ACER2: variants seen among roughly 807,000 people sequenced by gnomAD.
The protein encoded by ACER2 is alkaline ceramidase 2.
In ACER2, 26 loss-of-function variants were observed where a neutral mutation model predicts 34.7. The ratio of observed to expected loss-of-function variants is 0.75; its 90% CI spans 0.55 to 1.04. The LOEUF (loss-of-function observed/expected upper bound fraction) is 1.04. ACER2 is among the 50% of genes least tolerant of loss of function. The probability of loss-of-function intolerance (pLI) is 0.00; values close to 1 mark genes in which losing one functional copy is unlikely to be tolerated. For synonymous variants in ACER2, 138 were observed against 132.1 expected (o/e 1.04, Z -0.31); for missense variants, 352 against 340.8 (o/e 1.03, Z -0.26).
At chr9:19,445,962 G>A (rs956048716) in intron 4 of ACER2, among the ~76,000 whole-genome samples, 1 of 152,186 alleles carries the variant, frequency 6.6e-6, no homozygotes, top group Non-Finnish European at 1.5e-5. Context: ...TATGTGAGAA[G>A]GAGAAAGATT....
chr9:19,422,837 G>C (rs1425874031), intron 1 of ACER2, among the ~76,000 whole-genome samples: 3 of 152,042 alleles, frequency 2.0e-5, no homozygotes, highest in Non-Finnish European at 4.4e-5. Context: ...TTTGAGACCA[G>C]CCTGGCCAAC....
intron 3 of ACER2, 99 bp downstream of exon 3, chr9:19,424,940 T>G: frequency 6.9e-7 from 1 of 1,440,468 alleles, no homozygotes; most frequent in South Asian, 1.3e-5. Flanking sequence ...GAACTCAGCC[T>G]AGTGATGAGC....
chr9:19,440,871 A>G (rs1346136676), intron 4 of ACER2, among the ~76,000 whole-genome samples: 2 of 152,028 alleles, frequency 1.3e-5, no homozygotes, highest in Non-Finnish European at 2.9e-5. Context: ...CAGGCATCTC[A>G]AATTCAACTT....
chr9:19,418,800 A>C (rs1166240787), intron 1 of ACER2, among the ~76,000 whole-genome samples: 1 of 152,208 alleles, frequency 6.6e-6, no homozygotes, highest in Non-Finnish European at 1.5e-5. Context: ...CTATGTAACA[A>C]ACCTGCACGT....
At chr9:19,419,507 T>G (rs562900814) in intron 1 of ACER2, among the ~76,000 whole-genome samples, 33 of 152,176 alleles carry the variant, frequency 2.2e-4, no homozygotes, top group Non-Finnish European at 3.5e-4. Context: ...AGCTCACACC[T>G]GTAATCCTGG....
At chr9:19,410,546 C>CA (rs1188563101) in intron 1 of ACER2, among the ~76,000 whole-genome samples, 1 of 152,036 alleles carries the variant, frequency 6.6e-6, no homozygotes, top group South Asian at 2.1e-4. Context: ...CTCATCTCTA[C>CA]AAAAAAATAC....
intron 1 of ACER2, among the ~76,000 whole-genome samples, chr9:19,413,574 T>A (rs749330056): frequency 4.0e-4 from 59 of 147,674 alleles, no homozygotes; most frequent in Non-Finnish European, 7.1e-4. Flanking sequence ...CATTCCAGCC[T>A]GGGTGACAGA....
chr9:19,411,116 C>G (rs1050143953), intron 1 of ACER2, among the ~76,000 whole-genome samples: 8 of 152,188 alleles, frequency 5.3e-5, no homozygotes, highest in African/African-American at 1.9e-4. Context: ...TTTGTCTTTA[C>G]TTTTAATCTA....
Position 19,435,005 on chromosome 9 carries a change from G to T in ACER2, c.424G>T (p.Val142Phe), listed in dbSNP as rs1471434547. 6.2e-7 allele frequency: 1 copy of T among 1,614,174 alleles called. No individual in the cohort carries two copies. Among genetic ancestry groups the T allele is most frequent in the Non-Finnish European group, 8.5e-7 (1 of 1,180,034 alleles). The change falls in exon 4 of 6, where the codon GTC (valine) becomes TTC (phenylalanine). Residue 142 changes from valine (V) to phenylalanine (F), a missense_variant. Val to Phe is a conservative substitution (Grantham distance 50). Coordinates refer to ENST00000340967, the MANE Select transcript of ACER2 (RefSeq NM_001010887.3). ...TGCGGTTACGACGTGCCTGGCATTT[G>T]TCAAGCCTGCCATCAACAACATCTC... is the stretch of plus-strand genomic sequence containing the variant. ...LSAVTTCLAF[V>F]KPAINNISLM...
chr9:19,426,376 CT>C (rs2132482401), intron 3 of ACER2, among the ~76,000 whole-genome samples: 1 of 149,300 alleles, frequency 6.7e-6, no homozygotes, highest in Admixed American at 6.7e-5. Context: ...CTCTCTCTCT[CT>C]CTCTCTCTCT....
At chr9:19,450,344 A>G in intron 5 of ACER2, 106 bp from the exon 6 acceptor site, 3 of 1,385,354 alleles carry the variant, frequency 2.2e-6, no homozygotes, top group East Asian at 2.4e-5. Flanking sequence ...GGCTGCAACT[A>G]CAGTCAGCAA....
intron 1 of ACER2, among the ~76,000 whole-genome samples, chr9:19,423,306 T>C (rs1830463479): frequency 6.6e-6 from 1 of 152,184 alleles, no homozygotes; most frequent in Non-Finnish European, 1.5e-5. Context: ...TAGACTGCAG[T>C]GTTTTTATAG....
intron 3 of ACER2, 147 bp downstream of exon 3, chr9:19,424,988 A>G (rs1427957288): frequency 7.2e-6 from 8 of 1,107,978 alleles, no homozygotes; most frequent in Non-Finnish European, 1.0e-5. Flanking sequence ...GATTGTTTTT[A>G]TGATCTGACA....
chr9:19,434,115 C>CTGCAATCTCGGCACTTCGGGAGGCCAAG (rs1830863680), intron 3 of ACER2, among the ~76,000 whole-genome samples: 1 of 146,042 alleles, frequency 6.8e-6, no homozygotes. Context: ...CGGGCAGAGG[C>CTGCAATCTCGGCACTTCGGGAGGCCAAG]GCTCCTCACA....
Position 19,446,093 on chromosome 9 carries a change from G to T in ACER2, c.504-188G>T, listed in dbSNP as rs138877590. ...AGAAGCCTGGGTGGGAAGGGTGTCT[G>T]TGAGCCATCTGTGTACATATGGTAT... On this transcript the variant is annotated intron_variant, in intron 4 of 5. Coordinates refer to ENST00000340967, the MANE Select transcript of ACER2 (RefSeq NM_001010887.3). The T allele has an allele frequency of 3.4e-6, 3 of 889,640 alleles. No homozygotes were observed. In the East Asian group the frequency reaches 7.3e-5, roughly 22 times the overall value. The allele number at this position is 889,640 out of a possible 1,614,324, so 55.1% of individuals were successfully genotyped here.
chr9:19,444,015 A>G (rs1186689248), intron 4 of ACER2, among the ~76,000 whole-genome samples: 2 of 151,956 alleles, frequency 1.3e-5, no homozygotes, highest in East Asian at 1.9e-4. Context: ...TTGTGATGAG[A>G]GTTATGAAGG....
chr9:19,442,801 A>G (rs1407916733), intron 4 of ACER2, among the ~76,000 whole-genome samples: 3 of 149,822 alleles, frequency 2.0e-5, no homozygotes, highest in Admixed American at 6.6e-5. Context: ...TTTGTATTTT[A>G]TAGTGCCTAG....
intron 3 of ACER2, among the ~76,000 whole-genome samples, chr9:19,433,733 G>T (rs1166052593): frequency 6.6e-6 from 1 of 151,964 alleles, no homozygotes; most frequent in African/African-American, 2.4e-5. Flanking sequence ...AGGGGCGGCC[G>T]GGCAGAGGCA....
intron 1 of ACER2, among the ~76,000 whole-genome samples, chr9:19,418,816 A>T (rs1830317634): frequency 6.6e-6 from 1 of 152,186 alleles, no homozygotes; most frequent in Admixed American, 6.5e-5. Flanking sequence ...CACGTTCTGC[A>T]CATATATCCC....
Sources: gnomAD v4.1 joint callset for allele counts (sites outside exome capture counted in the v4.1 genomes callset) on GRCh38, gnomAD v4.1.1 for gene constraint, MANE v1.5 for transcripts, NCBI Gene and HGNC (gene_info 2026-07-23, HGNC 2026-07-21) for gene names.